The following TMTC2 variants were observed in gnomAD, a reference collection of about 807,000 sequenced individuals.
TMTC2 encodes transmembrane O-mannosyltransferase targeting cadherins 2, also known as protein O-mannosyl-transferase TMTC2.
Under a neutral mutation model 82.4 loss-of-function variants are expected in TMTC2, and 43 were observed. That is an observed-to-expected ratio of 0.52 (90% CI 0.41 to 0.67). The LOEUF (loss-of-function observed/expected upper bound fraction) is 0.67, where lower values mean the gene tolerates loss of function less well. Among genes scored for constraint, TMTC2 ranks in the 30% least tolerant of loss-of-function variants. TMTC2 has a pLI of 0.00. For synonymous variants in TMTC2, 408 were observed against 381.9 expected (o/e 1.07, Z -0.80); for missense variants, 919 against 1,012.4 (o/e 0.91, Z 1.25).
intron 4 of TMTC2, among the ~76,000 whole-genome samples, chr12:82,948,240 C>G (rs1015079981): frequency 6.6e-6 from 1 of 152,108 alleles, no homozygotes; most frequent in East Asian, 1.9e-4. Flanking sequence ...TGGCAAATGC[C>G]GATAGTCCCA....
At chr12:83,102,958 C>G (rs747206711) in intron 11 of TMTC2, among the ~76,000 whole-genome samples, 1 of 152,130 alleles carries the variant, frequency 6.6e-6, no homozygotes, top group Non-Finnish European at 1.5e-5. Context: ...CACAAAGATA[C>G]TCTCCCCTAG....
At chr12:82,695,830 G>C (rs1231030457) in intron 1 of TMTC2, among the ~76,000 whole-genome samples, 1 of 152,178 alleles carries the variant, frequency 6.6e-6, no homozygotes, top group Non-Finnish European at 1.5e-5. Flanking sequence ...TCCGAAGAAG[G>C]GGTTCTCAAA....
At chr12:82,995,821 C>T (rs1234426903) in intron 8 of TMTC2, among the ~76,000 whole-genome samples, 1 of 152,150 alleles carries the variant, frequency 6.6e-6, no homozygotes, top group Non-Finnish European at 1.5e-5. Flanking sequence ...GAGACAGGGT[C>T]TTGCTCTGTC....
chr12:82,894,990 G>C (rs981948375), intron 2 of TMTC2, among the ~76,000 whole-genome samples: 2 of 127,288 alleles, frequency 1.6e-5, no homozygotes, highest in African/African-American at 6.1e-5. Context: ...TTTTTTTTTA[G>C]TAGAGATGGG....
chr12:82,993,385 A>G (rs150168020), intron 8 of TMTC2, among the ~76,000 whole-genome samples: 244 of 151,558 alleles, frequency 1.6e-3, no homozygotes, highest in African/African-American at 5.5e-3. Context: ...TTTTTTTTCA[A>G]TAAATACATT....
At chr12:83,036,093 G>A (rs968254956) in intron 9 of TMTC2, among the ~76,000 whole-genome samples, 3 of 151,958 alleles carry the variant, frequency 2.0e-5, no homozygotes, top group Non-Finnish European at 4.4e-5. Context: ...AAAAGCTATG[G>A]CCCCATTATA....
At chr12:83,074,904 C>T (rs1250474851) in intron 11 of TMTC2, among the ~76,000 whole-genome samples, 1 of 152,170 alleles carries the variant, frequency 6.6e-6, no homozygotes, top group Non-Finnish European at 1.5e-5. Flanking sequence ...CTTCATGCCC[C>T]ATTCAGGTAG....
Position 82,896,645 on chromosome 12 carries a change from A to G in TMTC2, c.1482A>G (p.Lys494=). ...YRSGIKVNPA[K]AWGNLGNVLK... ...CAGGGATAAAAGTAAACCCAGCTAAAGGTAATCTTTTATTTTATGCTTTTG... is the reference window on the plus strand; with the variant it reads ...CAGGGATAAAAGTAAACCCAGCTAAGGGTAATCTTTTATTTTATGCTTTTG... Residue 494 remains lysine (K), a splice_region_variant and synonymous_variant, in exon 3 of 12, where the codon AAA becomes AAG. Coordinates refer to ENST00000321196, the MANE Select transcript of TMTC2 (RefSeq NM_152588.3). The G allele has an allele frequency of 2.5e-6, 4 of 1,591,496 alleles. No homozygotes were observed. The highest frequency in any genetic ancestry group is 3.4e-6 in the Non-Finnish European group (4 of 1,171,174).
intron 8 of TMTC2, among the ~76,000 whole-genome samples, chr12:83,005,330 CAA>C (rs35332002): frequency 2.3e-4 from 24 of 105,642 alleles, no homozygotes; most frequent in South Asian, 3.3e-4. Flanking sequence ...CTCTGGTCTC[CAA>C]AAAAAAAAAA....
chr12:83,010,059 C>T (rs146045999), intron 8 of TMTC2, among the ~76,000 whole-genome samples: 233 of 152,268 alleles, frequency 1.5e-3, no homozygotes, highest in Middle Eastern at 6.8e-3. Flanking sequence ...CCACTCACCT[C>T]CTGCTGTGCA....
At chr12:82,946,933 G>A (rs1177591772) in intron 4 of TMTC2, among the ~76,000 whole-genome samples, 1 of 151,918 alleles carries the variant, frequency 6.6e-6, no homozygotes, top group East Asian at 1.9e-4. Context: ...TAGTAAAGAC[G>A]GGGTTTCGCA....
chr12:82,997,414 A>ATATATATATGTGTATATATATATATGTG (rs1201899656), intron 8 of TMTC2, among the ~76,000 whole-genome samples: 25 of 29,978 alleles, frequency 8.3e-4, no homozygotes, highest in African/African-American at 1.9e-3. Context: ...ATATATGTGT[A>ATATATATATGTGTATATATATATATGTG]TATATATATA....
rs1592705037 is a variant in TMTC2 at position 83,030,823 on chromosome 12, T to G, written c.2096T>G (p.Leu699Arg). The change falls in exon 9 of 12, where the codon CTC (leucine) becomes CGC (arginine). Residue 699 changes from leucine to arginine, a missense_variant. By Grantham distance (102) the Leu-to-Arg change is moderately radical (BLOSUM62 -2). Coordinates refer to ENST00000321196, the MANE Select transcript of TMTC2 (RefSeq NM_152588.3). ...LTGRKSEAEK[L>R]FLKAIELDPT... is the part of the protein sequence containing the mutation. ...GGTCGTAAGAGTGAGGCTGAAAAGC[T>G]CTTCTTGAAGGCTATTGAGCTGGAT... is the stretch of plus-strand genomic sequence containing the variant. 3.7e-6 allele frequency: 6 copies of G among 1,613,702 alleles called. 1 individual carries two copies. The Middle Eastern group carries it at 8.2e-4, about 222-fold the overall frequency.
chr12:83,073,750 A>G (rs1883192567), intron 11 of TMTC2, among the ~76,000 whole-genome samples: 1 of 152,012 alleles, frequency 6.6e-6, no homozygotes, highest in Non-Finnish European at 1.5e-5. Flanking sequence ...TCCTTCTTCT[A>G]CTTGTTCAAT....
intron 1 of TMTC2, among the ~76,000 whole-genome samples, chr12:82,824,270 G>T (rs1426445830): frequency 6.6e-6 from 1 of 152,200 alleles, no homozygotes; most frequent in Non-Finnish European, 1.5e-5. Flanking sequence ...TTTGAAGAAA[G>T]GGAACACAAT....
chr12:82,731,284 A>G (rs1874796087), intron 1 of TMTC2, among the ~76,000 whole-genome samples: 1 of 152,208 alleles, frequency 6.6e-6, no homozygotes, highest in South Asian at 2.1e-4. Context: ...AACTGAGCAA[A>G]TGTTTCTGCG....
intron 8 of TMTC2, among the ~76,000 whole-genome samples, chr12:83,020,474 G>A (rs1037010473): frequency 6.6e-6 from 1 of 152,092 alleles, no homozygotes; most frequent in East Asian, 1.9e-4. Flanking sequence ...TGAAATTTTA[G>A]GATATACTTG....
rs1190504580 is a variant in TMTC2 at position 82,753,222 on chromosome 12, G to A, written c.83+65553G>A. Among the ~76,000 whole-genome samples, 3 of 151,954 alleles carry A rather than the reference G, an allele frequency of 2.0e-5. No individual in the cohort carries two copies. In the East Asian group the frequency reaches 5.8e-4, roughly 29 times the overall value. On this transcript the variant is annotated intron_variant, in intron 1 of 11. Transcript: ENST00000321196. ...TCAGGAGCCAGGTCATTCTCCGTAGGTGAGCTGTGTAAAATCTATTTTATA... is the reference window on the plus strand; with the variant it reads ...TCAGGAGCCAGGTCATTCTCCGTAGATGAGCTGTGTAAAATCTATTTTATA...
intron 1 of TMTC2, among the ~76,000 whole-genome samples, chr12:82,731,469 G>A (rs1874806243): frequency 6.6e-6 from 1 of 152,200 alleles, no homozygotes; most frequent in South Asian, 2.1e-4. Flanking sequence ...TTTATGAGAA[G>A]TATTTAGTAG....
Sources: gnomAD v4.1 joint callset for allele counts (sites outside exome capture counted in the v4.1 genomes callset) on GRCh38, gnomAD v4.1.1 for gene constraint, MANE v1.5 for transcripts, NCBI Gene and HGNC (gene_info 2026-07-23, HGNC 2026-07-21) for gene names.